Variants in CNGB3 observed in about 807,000 individuals in gnomAD.
CNGB3 encodes cyclic nucleotide-gated channel beta-3.
A neutral mutation model predicts 92.8 loss-of-function variants in CNGB3; 86 were observed. That is an observed-to-expected ratio of 0.93 (90% CI 0.78 to 1.11). The LOEUF (loss-of-function observed/expected upper bound fraction) is 1.11, where lower values mean the gene tolerates loss of function less well. Among genes scored for constraint, CNGB3 ranks in the 50% least tolerant of loss-of-function variants. The pLI is 0.00. For synonymous variants in CNGB3, 333 were observed against 332.7 expected (o/e 1.00, Z -0.01); for missense variants, 1,026 against 956.8 (o/e 1.07, Z -0.95).
At chr8:86,687,369 A>T (rs930325901) in intron 3 of CNGB3, among the ~76,000 whole-genome samples, 5 of 152,068 alleles carry the variant, frequency 3.3e-5, no homozygotes, top group African/African-American at 9.7e-5. Flanking sequence ...AGAATGAAGT[A>T]CTGGCACATG....
chr8:86,721,579 G>A lies in CNGB3; in HGVS notation c.338+4952C>T, dbSNP rs565788665. On this transcript the variant is annotated intron_variant, in intron 3 of 17. Coordinates refer to ENST00000320005, the MANE Select transcript of CNGB3 (RefSeq NM_019098.5). ...AAAAATAAATAAAAACAGATTTGAT[G>A]ATCTGTTGTTTAAATTGTTTGCAAT... Among the ~76,000 whole-genome samples, 522 of 152,124 alleles carry A rather than the reference G, an allele frequency of 3.4e-3. 3 individuals are homozygous for A. The highest frequency in any genetic ancestry group is 0.012 in the African/African-American group (507 of 41,518).
intron 10 of CNGB3, among the ~76,000 whole-genome samples, chr8:86,636,276 TA>T (rs1275622858): frequency 6.6e-6 from 1 of 152,050 alleles, no homozygotes; most frequent in Non-Finnish European, 1.5e-5. Flanking sequence ...AATATACAGT[TA>T]AAGCACTAAT....
chr8:86,684,191 G>A (rs1452715896), intron 3 of CNGB3, among the ~76,000 whole-genome samples: 3 of 152,096 alleles, frequency 2.0e-5, no homozygotes, highest in Non-Finnish European at 4.4e-5. Flanking sequence ...TAAAACACAT[G>A]AACAGACATT....
chr8:86,726,808 C>G (rs560409247), intron 2 of CNGB3, 151 bp from the exon 3 acceptor site: 1 of 845,970 alleles, frequency 1.2e-6, no homozygotes, highest in African/African-American at 1.7e-5. Flanking sequence ...CAAAGTAGGA[C>G]TTTATGCAGG....
intron 15 of CNGB3, among the ~76,000 whole-genome samples, chr8:86,596,727 G>A (rs563328083): frequency 9.2e-5 from 14 of 152,282 alleles, no homozygotes; most frequent in African/African-American, 1.7e-4. Flanking sequence ...TCATGCACAC[G>A]TATATTTATC....
chr8:86,638,166 A>G (rs531463163), intron 10 of CNGB3, among the ~76,000 whole-genome samples: 2 of 152,282 alleles, frequency 1.3e-5, no homozygotes, highest in East Asian at 3.9e-4. Flanking sequence ...TTTGATGAAT[A>G]GAGCTTCTGT....
intron 3 of CNGB3, among the ~76,000 whole-genome samples, chr8:86,704,834 C>A (rs559470785): frequency 3.4e-4 from 52 of 152,144 alleles, no homozygotes; most frequent in Non-Finnish European, 6.6e-4. Flanking sequence ...TGGAAAAATG[C>A]ATTAGGAGTT....
chr8:86,727,490 A>G (rs530267699), intron 2 of CNGB3, among the ~76,000 whole-genome samples: 4 of 152,250 alleles, frequency 2.6e-5, no homozygotes, highest in Non-Finnish European at 4.4e-5. Context: ...AATGATACAA[A>G]CTAATATGTA....
At chr8:86,739,621 T>G (rs759163706) in intron 2 of CNGB3, 34 bp downstream of exon 2, 19 of 185,068 alleles carry the variant, frequency 1.0e-4, no homozygotes, top group Admixed American at 6.4e-4. Flanking sequence ...CACTTTTTAG[T>G]TTTTTTTTTT....
intron 8 of CNGB3, among the ~76,000 whole-genome samples, 181 bp from the exon 9 acceptor site, chr8:86,644,867 A>T (rs9297940): frequency 0.16 from 23,561 of 151,038 alleles, 1,926 homozygotes; most frequent in Admixed American, 0.24. Context: ...GCATGGTATT[A>T]TACTTCCAGA....
chr8:86,590,620 A>T (rs201089103), intron 15 of CNGB3, among the ~76,000 whole-genome samples: 1 of 150,050 alleles, frequency 6.7e-6, no homozygotes, highest in African/African-American at 2.4e-5. Context: ...GCTGGATATG[A>T]AATTCTTGGT....
chr8:86,613,717 A>G (rs953417270), intron 13 of CNGB3, among the ~76,000 whole-genome samples: 21 of 151,948 alleles, frequency 1.4e-4, no homozygotes, highest in Admixed American at 1.1e-3. Flanking sequence ...GGTTTTAATT[A>G]TAATTTGTAA....
intron 2 of CNGB3, among the ~76,000 whole-genome samples, chr8:86,738,707 T>TGG (rs1825287745): frequency 6.6e-6 from 1 of 151,878 alleles, no homozygotes; most frequent in South Asian, 2.1e-4. Context: ...GGCTTGGTGG[T>TGG]GTGCACCTGT....
In CNGB3 at chr8:86,718,874, G is replaced by A. The variant is rs2083590; in HGVS notation, c.338+7657C>T. Reference sequence around the variant, plus strand: ...TACAGGGATGGCTTTTCATTCATAAGTCAATAAATGTGATACATCACATAA... The same window carrying A: ...TACAGGGATGGCTTTTCATTCATAAATCAATAAATGTGATACATCACATAA... On this transcript the variant is annotated intron_variant, in intron 3 of 17. Coordinates refer to ENST00000320005, the MANE Select transcript of CNGB3 (RefSeq NM_019098.5). Among the ~76,000 whole-genome samples the A allele has an allele frequency of 8.7e-3, 1,319 of 152,052 alleles. 23 individuals carry two copies. Among genetic ancestry groups the A allele is most frequent in the African/African-American group, 0.03 (1,260 of 41,494 alleles).
intron 3 of CNGB3, among the ~76,000 whole-genome samples, chr8:86,694,260 G>A (rs1824393857): frequency 6.7e-6 from 1 of 149,924 alleles, no homozygotes; most frequent in Non-Finnish European, 1.5e-5. Context: ...TGGGGCGGCT[G>A]GCCGGGCAAA....
intron 2 of CNGB3, among the ~76,000 whole-genome samples, chr8:86,738,758 C>G (rs7012836): frequency 0.76 from 114,822 of 150,694 alleles, 44,189 homozygotes; most frequent in African/African-American, 0.86. Flanking sequence ...GGAGAATGGC[C>G]TGAACCCGGG....
intron 13 of CNGB3, among the ~76,000 whole-genome samples, chr8:86,622,866 G>A (rs1455871568): frequency 6.6e-6 from 1 of 152,034 alleles, no homozygotes; most frequent in Non-Finnish European, 1.5e-5. Flanking sequence ...TGTGTCATCT[G>A]CCAATTTGAA....
Position 86,644,682 on chromosome 8 carries a change from G to A in CNGB3, c.995C>T (p.Thr332Ile), listed in dbSNP as rs1027900338. ...MFRANRMLKY[T>I]SFFEFNHHLE... ...GTGATGATTAAATTCAAAAAATGAA[G>A]TGTACTATATAGAAAAGCAAAAGAA... The change falls in exon 9 of 18, where the codon ACT becomes ATT. Residue 332 changes from threonine (T) to isoleucine (I), a missense_variant. Physicochemically the swap from Thr to Ile is moderately conservative, Grantham distance 89. Coordinates refer to ENST00000320005, the MANE Select transcript of CNGB3 (RefSeq NM_019098.5). The A allele has an allele frequency of 4.4e-6, 7 of 1,585,298 alleles. No individual in the cohort carries two copies. Among genetic ancestry groups the A allele is most frequent in the East Asian group, 4.5e-5 (2 of 44,314 alleles).
chr8:86,634,575 T>G (rs562081611), intron 10 of CNGB3, among the ~76,000 whole-genome samples: 1 of 152,186 alleles, frequency 6.6e-6, no homozygotes, highest in African/African-American at 2.4e-5. Flanking sequence ...ACTGAATCCT[T>G]TAAAAATGTC....
Sources: allele counts gnomAD v4.1 joint callset (sites outside exome capture counted in the v4.1 genomes callset), GRCh38; gene constraint gnomAD v4.1.1; transcripts MANE v1.5; gene names NCBI Gene and HGNC (gene_info 2026-07-23, HGNC 2026-07-21).